The following PDHB variants were observed in gnomAD, a reference collection of about 807,000 sequenced individuals.
PDHB encodes pyruvate dehydrogenase E1 component subunit beta, mitochondrial.
PDHB carries 17 observed loss-of-function variants against 42.8 expected under a neutral mutation model. The ratio of observed to expected loss-of-function variants is 0.40; its 90% CI spans 0.27 to 0.60. The LOEUF is 0.60. Ranked by LOEUF, PDHB falls within the 20% of genes least tolerant of loss-of-function variation. PDHB has a pLI of 0.46. For missense variants in PDHB, 322 were observed against 451.3 expected (o/e 0.71, Z 2.60); for synonymous variants, 154 against 148.7 (o/e 1.04, Z -0.26).
At chr3:58,433,400 G>A (rs1229319305) in intron 2 of PDHB, 6 of 599,700 alleles carry the variant, frequency 1.0e-5, no homozygotes, top group Non-Finnish European at 1.8e-5. Flanking sequence ...GGGAGGAAAC[G>A]CCTAGTCTTA....
Position 58,431,797 on chromosome 3 carries a change from C to T in PDHB, c.205-4G>A. 1.2e-6 allele frequency: 2 copies of T among 1,613,272 alleles called. No homozygotes were observed. The highest frequency in any genetic ancestry group is 1.7e-6 in the Non-Finnish European group (2 of 1,179,208). ...TCTTCCACAGCCCTCGACTAACCTACAATTAAGAGTTGATCCCTTAAGTGT... is the reference window on the plus strand; with the variant it reads ...TCTTCCACAGCCCTCGACTAACCTATAATTAAGAGTTGATCCCTTAAGTGT... On this transcript the variant is annotated splice_region_variant and splice_polypyrimidine_tract_variant and intron_variant, in intron 3 of 9. Coordinates refer to ENST00000302746, the MANE Select transcript of PDHB (RefSeq NM_000925.4). This position sits in a 1 kb window ranked among gnomAD's most constrained non-coding sequence, Gnocchi z 4.4.
At chr3:58,433,722 G>A (rs1157291143) in intron 1 of PDHB, 38 bp from the exon 2 acceptor site, 1 of 1,612,428 alleles carries the variant, frequency 6.2e-7, no homozygotes, top group Non-Finnish European at 8.5e-7. Context: ...GGGACGCAGG[G>A]TGGGCAGGGG....
At position 58,431,767 on chromosome 3, in the gene PDHB, A is replaced by G. The variant is rs1320317596; in HGVS notation, c.231T>C (p.Tyr77=). 8 of 1,613,864 alleles carry G rather than the reference A, an allele frequency of 5.0e-6. No homozygotes were observed. The highest frequency in any genetic ancestry group is 1.6e-4 in the Middle Eastern group (1 of 6,082). The change falls in exon 4 of 10, where the codon TAT becomes TAC. Residue 77 remains tyrosine, a synonymous_variant. Transcript: ENST00000302746. This position sits in a 1 kb window ranked among gnomAD's most constrained non-coding sequence, Gnocchi z 4.4. ...YKVSRGLWKK[Y]GDKRIIDTPI... ...GAGTGTCAATAATCCTCTTGTCTCCATATTTCTTCCACAGCCCTCGACTAA... is the reference window on the plus strand; with the variant it reads ...GAGTGTCAATAATCCTCTTGTCTCCGTATTTCTTCCACAGCCCTCGACTAA...
intron 2 of PDHB, chr3:58,433,169 G>A (rs1311118268): frequency 4.5e-6 from 1 of 223,552 alleles, no homozygotes; most frequent in African/African-American, 2.3e-5. Flanking sequence ...AGACAGAAAA[G>A]TACAACAGGG....
chr3:58,432,556 G>T (rs1240546558), intron 2 of PDHB: 1 of 162,960 alleles, frequency 6.1e-6, no homozygotes, highest in East Asian at 1.8e-4. Flanking sequence ...AATTGGCCGG[G>T]TGTGGTGGCG....
In PDHB at chr3:58,431,603, C is replaced by G. The variant is rs771466468; in HGVS notation, c.293G>C (p.Gly98Ala). The change falls in exon 5 of 10, where the codon GGT becomes GCT. Residue 98 changes from glycine (G) to alanine (A), a missense_variant. By Grantham distance (60) the Gly-to-Ala change is moderately conservative. Around this residue, in one of 3 missense-constraint regions of PDHB, gnomAD observed 56 missense variants for 124.2 expected, o/e 0.45. Coordinates refer to ENST00000302746, the MANE Select transcript of PDHB (RefSeq NM_000925.4). The surrounding 1 kb of genome is among the most constrained non-coding windows in gnomAD (Gnocchi z 4.4). The stretch of plus-strand genomic sequence containing the variant: ...AAGAGTATTACATACCATAGCTGCA[C>G]CTACAGCAATTCCAGCAAAGCCCAT... ...SEMGFAGIAV[G>A]AAMAGLRPIC... 1 of 1,604,922 alleles carries G rather than the reference C, an allele frequency of 6.2e-7. No individual in the cohort carries two copies. Among genetic ancestry groups the G allele is most frequent in the Non-Finnish European group, 8.5e-7 (1 of 1,173,126 alleles).
At chr3:58,429,857 C>T (rs769325692) in intron 7 of PDHB, 58 bp from the exon 8 acceptor site, 6 of 998,452 alleles carry the variant, frequency 6.0e-6, no homozygotes, top group Non-Finnish European at 9.7e-6. Flanking sequence ...TGCTACACCA[C>T]TGTGCCGCCA....
chr3:58,428,143 C>A lies in PDHB; in HGVS notation c.971G>T (p.Arg324Leu), dbSNP rs778741789. The A allele has an allele frequency of 6.2e-7, 1 of 1,613,786 alleles. No homozygotes were observed. The highest frequency in any genetic ancestry group is 8.5e-7 in the Non-Finnish European group (1 of 1,179,704). The change falls in exon 10 of 10, where the codon CGT (arginine) becomes CTT (leucine). Residue 324 changes from arginine to leucine, a missense_variant. By Grantham distance (102) the Arg-to-Leu change is moderately radical (BLOSUM62 -2). Coordinates refer to ENST00000302746, the MANE Select transcript of PDHB (RefSeq NM_000925.4). ...CATAGGGACATCAGCACCAGTGACA[C>A]GAACAGCAGGAGCATCCAGGAAATT... ...AFNFLDAPAV[R>L]VTGADVPMPY...
intron 9 of PDHB, 59 bp from the exon 10 acceptor site, chr3:58,428,238 G>T (rs1215194635): frequency 9.3e-6 from 14 of 1,507,714 alleles, no homozygotes; most frequent in Non-Finnish European, 1.2e-5. Context: ...CTACCACCTT[G>T]GCACAGAGGT....
At chr3:58,428,940 C>T (rs948135039) in intron 8 of PDHB, 8 of 301,758 alleles carry the variant, frequency 2.7e-5, no homozygotes, top group East Asian at 2.6e-4. Flanking sequence ...CTGCCACCCC[C>T]GCCTTCCCAG....
Position 58,428,060 on chromosome 3 carries a change from C to T in PDHB, c.1054G>A (p.Ala352Thr). 6.2e-7 allele frequency: 1 copy of T among 1,608,846 alleles called. No homozygotes were observed. The highest frequency in any genetic ancestry group is 8.5e-7 in the Non-Finnish European group (1 of 1,175,166). Residue 352 changes from alanine to threonine, a missense_variant, in exon 10 of 10, where the codon GCA becomes ACA. Ala to Thr is a moderately conservative substitution (Grantham distance 58, BLOSUM62 0). Transcript: ENST00000302746. The part of the protein sequence containing the change: ...SIPQVKDIIF[A>T]IKKTLNI The stretch of plus-strand genomic sequence containing the variant: ...TAAATATTTAATGTTTTCTTTATTG[C>T]AAATATGATGTCTTTGACCTGAGGT...
chr3:58,432,650 T>A (rs901541362), intron 2 of PDHB: 1 of 153,870 alleles, frequency 6.5e-6, no homozygotes, highest in Non-Finnish European at 1.4e-5. Flanking sequence ...GCTGAGATAG[T>A]GCCACTGCAC....
intron 9 of PDHB, 76 bp from the exon 10 acceptor site, chr3:58,428,255 G>T: frequency 2.1e-6 from 3 of 1,400,022 alleles, no homozygotes; most frequent in South Asian, 1.2e-5. Context: ...AGGTGTGGCT[G>T]ACCAGGAAGA....
rs753010923 is a variant in PDHB at position 58,433,627 on chromosome 3, T to G, written c.96+4A>C. The G allele has an allele frequency of 6.2e-7, 1 of 1,609,804 alleles. No homozygotes were observed. Among genetic ancestry groups the G allele is most frequent in the South Asian group, 1.1e-5 (1 of 90,364 alleles). On this transcript the variant is annotated splice_donor_region_variant and intron_variant, in intron 2 of 9. Coordinates refer to ENST00000302746, the MANE Select transcript of PDHB (RefSeq NM_000925.4). ...CTCGTCCGACGAGCACCCGCGCCTG[T>G]TACCTGCAGCGCAGCCGGCGCGGTC...
In PDHB at chr3:58,431,107, C is replaced by T; in HGVS notation, c.304-165G>A. 1.4e-6 allele frequency: 1 copy of T among 695,226 alleles called. No individual in the cohort carries two copies. The highest frequency in any genetic ancestry group is 2.5e-6 in the Non-Finnish European group (1 of 401,710). 43.1% of individuals were successfully genotyped at this position (695,226 alleles called of 1,614,324 possible). A position where few individuals can be genotyped will look rare whatever the true frequency, so the allele number is the denominator to read the frequency against. The stretch of plus-strand genomic sequence containing the variant: ...ACCCATGCTGGAGTGCAGTGGCACA[C>T]ATCATAGCTCACTGCAGCCTCTAAC... On this transcript the variant is annotated intron_variant, in intron 5 of 9. Transcript: ENST00000302746. This position sits in a 1 kb window ranked among gnomAD's most constrained non-coding sequence, Gnocchi z 4.4.
At position 58,428,085 on chromosome 3, in the gene PDHB, T is replaced by G; in HGVS notation, c.1029A>C (p.Ile343=). ...PYAKILEDNS[I]PQVKDIIFAI... is the part of the protein sequence containing the mutation. ...CAAATATGATGTCTTTGACCTGAGGTATAGAGTTGTCCTCTAGAATCTTTG... is the reference window on the plus strand; with the variant it reads ...CAAATATGATGTCTTTGACCTGAGGGATAGAGTTGTCCTCTAGAATCTTTG... Residue 343 remains isoleucine (I), a synonymous_variant, in exon 10 of 10, where the codon ATA becomes ATC. Transcript: ENST00000302746. 6.2e-7 allele frequency: 1 copy of G among 1,610,208 alleles called. No homozygotes were observed. The highest frequency in any genetic ancestry group is 8.5e-7 in the Non-Finnish European group (1 of 1,176,378).
chr3:58,430,640 A>G lies in PDHB; in HGVS notation c.589+17T>C. On this transcript the variant is annotated intron_variant, in intron 6 of 9. Coordinates refer to ENST00000302746, the MANE Select transcript of PDHB (RefSeq NM_000925.4). ...TTTTTCAATCTTCAAAAAAAACCAA[A>G]GGGTCCCTGTGCTGACCTGGATTGT... 6.2e-7 allele frequency: 1 copy of G among 1,610,226 alleles called. No homozygotes were observed.
chr3:58,430,611 T>G (rs746925158), intron 6 of PDHB, 46 bp downstream of exon 6: 4 of 1,496,926 alleles, frequency 2.7e-6, no homozygotes, highest in Middle Eastern at 2.3e-4. Context: ...ATATATCATT[T>G]TAGTTTTTCA....
At chr3:58,433,052 C>T (rs943207550) in intron 2 of PDHB, 1 of 156,158 alleles carries the variant, frequency 6.4e-6, no homozygotes, top group Non-Finnish European at 1.4e-5. Context: ...AACTCTGACG[C>T]ATGCTACAAC....
Sources: gnomAD v4.1 joint callset for allele counts on GRCh38, gnomAD v4.1.1 for gene constraint, gnomAD v4.1.1 regional missense constraint, Gnocchi (gnomAD v3.1) non-coding constraint, MANE v1.5 for transcripts, NCBI Gene and HGNC (gene_info 2026-07-23, HGNC 2026-07-21) for gene names.